The following CACNA2D1 variants were observed in gnomAD, a reference collection of about 807,000 sequenced individuals.
CACNA2D1 encodes the protein voltage-dependent calcium channel subunit alpha-2/delta-1.
CACNA2D1 carries 53 observed loss-of-function variants against 171.5 expected under a neutral mutation model. That is an observed-to-expected ratio of 0.31 (90% CI 0.25 to 0.39). The LOEUF is 0.39. Ranked by LOEUF, CACNA2D1 falls within the 10% of genes least tolerant of loss-of-function variation. The pLI, the probability that CACNA2D1 is intolerant of heterozygous loss-of-function variation, is 1.00. For synonymous variants in CACNA2D1, 442 were observed against 443.1 expected, an observed-to-expected ratio of 1.00 and a Z score of 0.03; for missense variants, 903 against 1,299.8, an observed-to-expected ratio of 0.69 and a Z score of 4.69.
intron 11 of CACNA2D1, 74 bp from the exon 12 acceptor site, chr7:82,032,975 C>T (rs1184804372): frequency 2.9e-5 from 24 of 827,312 alleles, no homozygotes; most frequent in African/African-American, 6.8e-5. Context: ...CTATATGGAA[C>T]GAGCATGAGC....
intron 3 of CACNA2D1, among the ~76,000 whole-genome samples, chr7:82,183,359 C>G (rs1363789815): frequency 2.6e-5 from 4 of 151,974 alleles, no homozygotes; most frequent in Non-Finnish European, 5.9e-5. Context: ...ATTTAAAGAA[C>G]TAGAAAATGC....
rs554774768 is a variant in CACNA2D1, at chr7:82,346,927, A to C, written c.177+2641T>G. ...TGTTTCAAATTTCAGAGTTGCATCC[A>C]ATTTAATAGTTGTGTAACTTAGAAC... is the stretch of plus-strand genomic sequence containing the variant. On this transcript the variant is annotated intron_variant, in intron 2 of 38. Coordinates refer to ENST00000356860, the MANE Select transcript of CACNA2D1 (RefSeq NM_000722.4). Among the ~76,000 whole-genome samples the C allele has an allele frequency of 9.8e-5, 15 of 152,338 alleles. No individual in the cohort carries two copies. In the South Asian group the frequency reaches 1.2e-3, roughly 13 times the overall value.
At chr7:82,150,287 A>C (rs1215571755) in intron 4 of CACNA2D1, among the ~76,000 whole-genome samples, 1 of 144,052 alleles carries the variant, frequency 6.9e-6, no homozygotes, top group Non-Finnish European at 1.5e-5. Flanking sequence ...AACAACAAAA[A>C]AAAACACCCT....
At chr7:82,041,380 A>G (rs1803949639) in intron 10 of CACNA2D1, among the ~76,000 whole-genome samples, 1 of 152,162 alleles carries the variant, frequency 6.6e-6, no homozygotes, top group Non-Finnish European at 1.5e-5. Context: ...AGGAAAGAAG[A>G]GTGGAAGCTG....
At chr7:82,211,280 G>A (rs1217971824) in intron 3 of CACNA2D1, among the ~76,000 whole-genome samples, 1 of 152,072 alleles carries the variant, frequency 6.6e-6, no homozygotes, top group Non-Finnish European at 1.5e-5. Context: ...TGTTGCGGGG[G>A]TTTGGTGTAC....
Position 82,007,533 on chromosome 7 carries a change from C to G in CACNA2D1, c.1440+146G>C, listed in dbSNP as rs150866130. On this transcript the variant is annotated intron_variant, in intron 16 of 38. Transcript: ENST00000356860. ...CATTTCCTTTTTCCCAGGTGGTTAT[C>G]GCATAGGCAGCTGTTGCCTTTGACC... is the stretch of plus-strand genomic sequence containing the variant. 189 of 600,436 alleles carry G rather than the reference C, an allele frequency of 3.1e-4. 2 individuals are homozygous for G. In the East Asian group the frequency reaches 5.5e-3, roughly 17 times the overall value. 37.2% of individuals were successfully genotyped at this position (600,436 alleles called of 1,614,324 possible).
intron 1 of CACNA2D1, among the ~76,000 whole-genome samples, chr7:82,417,510 C>T (rs1239797564): frequency 6.6e-6 from 1 of 152,154 alleles, no homozygotes; most frequent in Non-Finnish European, 1.5e-5. Flanking sequence ...AATGCAAACA[C>T]CACATCAGGA....
At chr7:82,019,139 G>A (rs544610613) in intron 12 of CACNA2D1, among the ~76,000 whole-genome samples, 4 of 151,692 alleles carry the variant, frequency 2.6e-5, no homozygotes, top group Admixed American at 6.6e-5. Flanking sequence ...GGCCAACATG[G>A]TGAAACCCCG....
At chr7:82,050,551 C>G in intron 10 of CACNA2D1, 2 of 702,474 alleles carry the variant, frequency 2.8e-6, no homozygotes, top group South Asian at 3.0e-5. Flanking sequence ...CACTCATCCT[C>G]CCCTCCAGAG....
intron 3 of CACNA2D1, among the ~76,000 whole-genome samples, chr7:82,325,776 A>T (rs957049904): frequency 7.2e-5 from 11 of 152,230 alleles, no homozygotes; most frequent in African/African-American, 2.7e-4. Flanking sequence ...GTATTTTTGT[A>T]GATACAGCAG....
intron 1 of CACNA2D1, among the ~76,000 whole-genome samples, chr7:82,357,097 C>A (rs1820514962): frequency 6.6e-6 from 1 of 151,652 alleles, no homozygotes. Flanking sequence ...CAGAAACAGC[C>A]CAAATTCTAA....
chr7:82,064,993 G>T (rs1048642251), intron 8 of CACNA2D1, among the ~76,000 whole-genome samples: 2 of 152,176 alleles, frequency 1.3e-5, no homozygotes, highest in Admixed American at 1.3e-4. Flanking sequence ...AGATGGTTCA[G>T]TGGTTGTGGA....
chr7:82,237,121 C>G (rs1803671121), intron 3 of CACNA2D1, among the ~76,000 whole-genome samples: 1 of 151,668 alleles, frequency 6.6e-6, no homozygotes, highest in Non-Finnish European at 1.5e-5. Context: ...TTTTAAATAG[C>G]TGGGTATTTA....
chr7:82,160,443 ACT>A (rs1794831468), intron 4 of CACNA2D1, among the ~76,000 whole-genome samples: 1 of 152,120 alleles, frequency 6.6e-6, no homozygotes. Context: ...AGTATTAAAT[ACT>A]GTCAGAATTT....
At chr7:82,102,146 T>G (rs979533870) in intron 6 of CACNA2D1, among the ~76,000 whole-genome samples, 2 of 152,034 alleles carry the variant, frequency 1.3e-5, no homozygotes, top group African/African-American at 2.4e-5. Flanking sequence ...AGAAAAAGGA[T>G]AGAAGATTGA....
intron 3 of CACNA2D1, among the ~76,000 whole-genome samples, chr7:82,250,936 C>A (rs1585222522): frequency 6.6e-6 from 1 of 152,084 alleles, no homozygotes; most frequent in Non-Finnish European, 1.5e-5. Context: ...TTTTAATAAC[C>A]TTTTCCCATA....
chr7:82,350,022 T>G lies in CACNA2D1; in HGVS notation c.96-373A>C, dbSNP rs989348112. Among the ~76,000 whole-genome samples, 7 of 152,336 alleles carry G rather than the reference T, an allele frequency of 4.6e-5. No individual in the cohort carries two copies. The South Asian group carries it at 1.5e-3, about 32-fold the overall frequency. Reference sequence around the variant, plus strand: ...TCTTCTGAATATAATAGTAAGATCATACTAAATGCAGACCATTTGTAAAAT... The same window carrying G: ...TCTTCTGAATATAATAGTAAGATCAGACTAAATGCAGACCATTTGTAAAAT... On this transcript the variant is annotated intron_variant, in intron 1 of 38. Coordinates refer to ENST00000356860, the MANE Select transcript of CACNA2D1 (RefSeq NM_000722.4).
intron 3 of CACNA2D1, among the ~76,000 whole-genome samples, chr7:82,293,146 A>G (rs1251324158): frequency 6.6e-6 from 1 of 151,934 alleles, no homozygotes; most frequent in African/African-American, 2.4e-5. Context: ...ATTTTTATAA[A>G]TTATCTCAAT....
intron 3 of CACNA2D1, among the ~76,000 whole-genome samples, chr7:82,306,880 A>C (rs199708014): frequency 0.022 from 1,978 of 88,874 alleles, 87 homozygotes; most frequent in Admixed American, 0.12. Context: ...AAAAATACAA[A>C]AAAAAAAAAA....
Sources: allele counts gnomAD v4.1 joint callset (sites outside exome capture counted in the v4.1 genomes callset), GRCh38; gene constraint gnomAD v4.1.1; transcripts MANE v1.5; gene names NCBI Gene and HGNC (gene_info 2026-07-23, HGNC 2026-07-21).